The following CEP57 variants were observed in gnomAD, a reference collection of about 807,000 sequenced individuals.
The protein encoded by CEP57 is centrosomal protein of 57 kDa.
A neutral mutation model predicts 68.0 loss-of-function variants in CEP57; 40 were observed. The ratio of observed to expected loss-of-function variants is 0.59; its 90% CI spans 0.46 to 0.77. CEP57 has a LOEUF of 0.77. CEP57 is among the 30% of genes least tolerant of loss of function. CEP57 has a pLI of 0.00. For missense variants in CEP57, 606 were observed against 580.7 expected (o/e 1.04, Z -0.45); for synonymous variants, 219 against 198.7 (o/e 1.10, Z -0.86).
At chr11:95,827,701 GTTC>G (rs1365924846) in intron 8 of CEP57, 82 bp from the exon 9 acceptor site, 16 of 1,538,292 alleles carry the variant, frequency 1.0e-5, no homozygotes, top group Non-Finnish European at 1.4e-5. Context: ...GGGGTGGAGA[GTTC>G]TTTTTACCTA....
intron 7 of CEP57, 101 bp downstream of exon 7, chr11:95,822,079 A>G (rs1266337540): frequency 1.3e-6 from 1 of 799,164 alleles, no homozygotes; most frequent in Non-Finnish European, 2.1e-6. Context: ...TTGAGAGAGT[A>G]AATCTTTCAT....
chr11:95,802,133 G>GA (rs1282958471), intron 2 of CEP57, among the ~76,000 whole-genome samples: 2 of 152,034 alleles, frequency 1.3e-5, no homozygotes, highest in Non-Finnish European at 2.9e-5. Flanking sequence ...TAAAGGAGAG[G>GA]AAAACCTCTC....
rs1415487587 is a variant in CEP57 at position 95,831,499 on chromosome 11, A to G, written c.*243A>G. The G allele has an allele frequency of 2.3e-5, 9 of 396,782 alleles. No homozygotes were observed. Among genetic ancestry groups the G allele is most frequent in the African/African-American group, 1.8e-4 (9 of 48,870 alleles). 24.6% of individuals were successfully genotyped at this position (396,782 alleles called of 1,614,324 possible). A position where few individuals can be genotyped will look rare whatever the true frequency, so the allele number is the denominator to read the frequency against. ...CCACACATAATCTTTTGTTGAGATG[A>G]GTTTGCTGTACTGACGCTGCACTTT... On this transcript the variant is annotated 3_prime_UTR_variant, in exon 11 of 11. Transcript: ENST00000325542.
intron 2 of CEP57, among the ~76,000 whole-genome samples, chr11:95,807,417 C>T (rs1176356220): frequency 6.6e-6 from 1 of 152,150 alleles, no homozygotes; most frequent in African/African-American, 2.4e-5. Context: ...TAACAAACTT[C>T]TCTGAGCTAA....
intron 8 of CEP57, among the ~76,000 whole-genome samples, chr11:95,823,784 T>G (rs186147165): frequency 4.9e-4 from 74 of 152,286 alleles, no homozygotes; most frequent in African/African-American, 1.7e-3. Context: ...GCTAATCATC[T>G]TCAAATGAGC....
intron 2 of CEP57, among the ~76,000 whole-genome samples, chr11:95,802,167 A>T (rs1861607639): frequency 6.6e-6 from 1 of 152,204 alleles, no homozygotes; most frequent in Non-Finnish European, 1.5e-5. Context: ...AATAATAGAT[A>T]ATCTGAGTTT....
rs1207923535 is a variant in CEP57, at chr11:95,831,072, C to T, written c.1319C>T (p.Thr440Ile). The T allele has an allele frequency of 6.2e-7, 1 of 1,613,250 alleles. No individual in the cohort carries two copies. Among genetic ancestry groups the T allele is most frequent in the East Asian group, 2.2e-5 (1 of 44,852 alleles). ...LEKQKKELKA[T>I]KKTLDEERNS... is the part of the protein sequence containing the mutation. ...AAGCAGAAGAAGGAATTAAAAGCTA[C>T]CAAAAAGACTCTTGATGAAGAAAGA... Residue 440 changes from threonine to isoleucine, a missense_variant, in exon 11 of 11, where the codon ACC becomes ATC. By Grantham distance (89) the Thr-to-Ile change is moderately conservative. Coordinates refer to ENST00000325542, the MANE Select transcript of CEP57 (RefSeq NM_014679.5).
At chr11:95,815,029 A>G (rs1262694190) in intron 4 of CEP57, 2 of 152,232 alleles carry the variant, frequency 1.3e-5, no homozygotes, top group African/African-American at 2.4e-5. Context: ...TATTGTTTGG[A>G]GAATAATGTC....
In CEP57 at chr11:95,813,088, A is replaced by G; in HGVS notation, c.359A>G (p.Asn120Ser). Residue 120 changes from asparagine to serine, a missense_variant, in exon 3 of 11, where the codon AAT becomes AGT. By Grantham distance (46) the Asn-to-Ser change is conservative. Transcript: ENST00000325542. ...EQIQERENSK[N>S]EESKHNQELT... ...ATACAAGAAAGGGAGAATTCAAAGA[A>G]TGAGGAATCAAAGCACAATCAAGGT... The G allele has an allele frequency of 6.2e-7, 1 of 1,613,010 alleles. No homozygotes were observed. Among genetic ancestry groups the G allele is most frequent in the Non-Finnish European group, 8.5e-7 (1 of 1,179,936 alleles).
intron 4 of CEP57, among the ~76,000 whole-genome samples, chr11:95,816,923 A>C (rs148630972): frequency 6.6e-6 from 1 of 151,636 alleles, no homozygotes; most frequent in Admixed American, 6.6e-5. Flanking sequence ...AGGCAGGAGA[A>C]TTACTTGAAC....
At chr11:95,793,225 T>C (rs1027109025) in intron 1 of CEP57, among the ~76,000 whole-genome samples, 1 of 152,224 alleles carries the variant, frequency 6.6e-6, no homozygotes, top group African/African-American at 2.4e-5. Context: ...TGCTCTGGAA[T>C]TGATAAACTT....
At chr11:95,810,906 A>G (rs1324605229) in intron 2 of CEP57, among the ~76,000 whole-genome samples, 2 of 152,230 alleles carry the variant, frequency 1.3e-5, no homozygotes, top group Non-Finnish European at 2.9e-5. Flanking sequence ...ATCCTGAGCC[A>G]TTAAAGTGAT....
intron 2 of CEP57, among the ~76,000 whole-genome samples, chr11:95,812,111 C>T (rs368447258): frequency 2.2e-4 from 34 of 152,042 alleles, no homozygotes; most frequent in Non-Finnish European, 3.1e-4. Flanking sequence ...AAACTTGAAG[C>T]GGACTTTAGA....
intron 4 of CEP57, among the ~76,000 whole-genome samples, chr11:95,816,059 A>G (rs1862283093): frequency 1.3e-5 from 2 of 152,118 alleles, no homozygotes; most frequent in African/African-American, 2.4e-5. Context: ...TCACGCTGCT[A>G]TAAAGAGCAC....
At chr11:95,807,067 T>G (rs1861835359) in intron 2 of CEP57, among the ~76,000 whole-genome samples, 1 of 152,182 alleles carries the variant, frequency 6.6e-6, no homozygotes, top group South Asian at 2.1e-4. Flanking sequence ...CTGCAATATT[T>G]GCTTTTCTGC....
intron 1 of CEP57, among the ~76,000 whole-genome samples, chr11:95,794,587 C>T (rs1014243742): frequency 6.6e-6 from 1 of 151,584 alleles, no homozygotes; most frequent in Admixed American, 6.6e-5. Context: ...TGTGTGTGTT[C>T]TTCTGTGAAA....
intron 1 of CEP57, among the ~76,000 whole-genome samples, chr11:95,798,802 C>T (rs967942647): frequency 6.6e-5 from 10 of 152,122 alleles, no homozygotes; most frequent in African/African-American, 2.2e-4. Context: ...TATTTTCTTT[C>T]TGGAGTTTTG....
At chr11:95,829,530 T>G (rs1317969748) in intron 10 of CEP57, among the ~76,000 whole-genome samples, 199 bp downstream of exon 10, 1 of 152,234 alleles carries the variant, frequency 6.6e-6, no homozygotes, top group Non-Finnish European at 1.5e-5. Context: ...CATATTCATC[T>G]AAGAAACATC....
chr11:95,824,300 T>C (rs1405225323), intron 8 of CEP57, among the ~76,000 whole-genome samples: 1 of 152,162 alleles, frequency 6.6e-6, no homozygotes, highest in African/African-American at 2.4e-5. Context: ...GCAGCTACTC[T>C]AGCAGGTGCC....
Sources: gnomAD v4.1 joint callset for allele counts (sites outside exome capture counted in the v4.1 genomes callset) on GRCh38, gnomAD v4.1.1 for gene constraint, MANE v1.5 for transcripts, NCBI Gene and HGNC (gene_info 2026-07-23, HGNC 2026-07-21) for gene names.